The following TMEM161B variants were observed in gnomAD, a reference collection of about 807,000 sequenced individuals.
TMEM161B encodes transmembrane protein 161B.
In TMEM161B, 34 loss-of-function variants were observed where a neutral mutation model predicts 61.8. The ratio of observed to expected loss-of-function variants is 0.55; its 90% CI spans 0.42 to 0.73. The LOEUF (loss-of-function observed/expected upper bound fraction) is 0.73. TMEM161B is among the 30% of genes least tolerant of loss of function. The pLI, the probability that TMEM161B is intolerant of heterozygous loss-of-function variation, is 0.00. For missense variants in TMEM161B, 456 were observed against 558.5 expected (o/e 0.82, Z 1.85); for synonymous variants, 167 against 192.8 (o/e 0.87, Z 1.11).
At chr5:88,203,329 G>A (rs1248699289) in intron 8 of TMEM161B, among the ~76,000 whole-genome samples, 2 of 151,978 alleles carry the variant, frequency 1.3e-5, no homozygotes, top group Admixed American at 6.6e-5. Flanking sequence ...ACTTGCTCTT[G>A]GCAATAAGTT....
At chr5:88,236,879 A>G (rs1751947254) in intron 2 of TMEM161B, among the ~76,000 whole-genome samples, 1 of 152,164 alleles carries the variant, frequency 6.6e-6, no homozygotes, top group South Asian at 2.1e-4. Flanking sequence ...GAAAAGGAAA[A>G]TAATTTAAAT....
intron 5 of TMEM161B, among the ~76,000 whole-genome samples, chr5:88,210,238 T>A (rs919610370): frequency 6.6e-6 from 1 of 152,208 alleles, no homozygotes; most frequent in Non-Finnish European, 1.5e-5. Context: ...CAGCAACAAC[T>A]TAATGTTTTC....
chr5:88,224,525 A>G (rs559199056), intron 4 of TMEM161B, among the ~76,000 whole-genome samples: 69 of 152,342 alleles, frequency 4.5e-4, no homozygotes, highest in African/African-American at 1.6e-3. Flanking sequence ...TAAATGACCT[A>G]TTTGGAAATA....
intron 3 of TMEM161B, among the ~76,000 whole-genome samples, 180 bp from the exon 4 acceptor site, chr5:88,226,046 C>G (rs1750002210): frequency 6.6e-6 from 1 of 152,128 alleles, no homozygotes; most frequent in Non-Finnish European, 1.5e-5. Context: ...ACTATAAAAT[C>G]TGAATGTAAA....
In TMEM161B at chr5:88,254,395, G is replaced by A. The variant is rs530638785; in HGVS notation, c.4-13479C>T. On this transcript the variant is annotated intron_variant, in intron 1 of 11. Coordinates refer to ENST00000296595, the MANE Select transcript of TMEM161B (RefSeq NM_153354.5). Reference sequence around the variant, plus strand: ...TCTCCTAAGAACCACAATGGGGTAAGGAGTTGAGCTGTAAAAGAAAGGAGA... The same window carrying A: ...TCTCCTAAGAACCACAATGGGGTAAAGAGTTGAGCTGTAAAAGAAAGGAGA... Among the ~76,000 whole-genome samples the A allele has an allele frequency of 1.8e-4, 28 of 152,260 alleles. No homozygotes were observed. The South Asian group carries it at 5.8e-3, about 32-fold the overall frequency.
chr5:88,241,747 T>C (rs1288653560), intron 1 of TMEM161B, among the ~76,000 whole-genome samples: 2 of 151,790 alleles, frequency 1.3e-5, no homozygotes, highest in Non-Finnish European at 2.9e-5. Context: ...TTCTCCATGA[T>C]GGCTAATTCA....
chr5:88,262,827 T>C (rs979406441), intron 1 of TMEM161B, among the ~76,000 whole-genome samples: 3 of 152,100 alleles, frequency 2.0e-5, no homozygotes, highest in Non-Finnish European at 2.9e-5. Flanking sequence ...GACATGCATG[T>C]GTGGGAGCAG....
intron 4 of TMEM161B, among the ~76,000 whole-genome samples, chr5:88,225,091 CT>C (rs1333874116): frequency 2.6e-5 from 4 of 151,722 alleles, no homozygotes; most frequent in East Asian, 1.9e-4. Flanking sequence ...CCTCAGCTCC[CT>C]GAGTAGCTGG....
chr5:88,191,980 GTGTATA>G (rs1178763688), downstream of TMEM161B, among the ~76,000 whole-genome samples: 17 of 9,128 alleles, frequency 1.9e-3, no homozygotes, highest in Non-Finnish European at 2.2e-3. Context: ...AAAAAAAAAA[GTGTATA>G]TATATATATA....
chr5:88,211,198 GA>G (rs1206241501), intron 5 of TMEM161B, among the ~76,000 whole-genome samples: 4 of 151,328 alleles, frequency 2.6e-5, no homozygotes. Flanking sequence ...GTAACTTCAA[GA>G]AAAAAAGAGA....
At chr5:88,242,561 T>C (rs1226874066) in intron 1 of TMEM161B, among the ~76,000 whole-genome samples, 1 of 145,786 alleles carries the variant, frequency 6.9e-6, no homozygotes, top group African/African-American at 2.4e-5. Context: ...CTGCATGAGT[T>C]AGAAGCTGGT....
intron 10 of TMEM161B, chr5:88,198,755 T>A: frequency 2.0e-6 from 1 of 494,226 alleles, no homozygotes. Context: ...CCACCCACTG[T>A]ATGACACCAA....
chr5:88,242,552 T>A (rs1580644502), intron 1 of TMEM161B, among the ~76,000 whole-genome samples: 1 of 151,778 alleles, frequency 6.6e-6, no homozygotes, highest in African/African-American at 2.4e-5. Context: ...GAACCCAAAC[T>A]GCATGAGTTA....
chr5:88,222,350 T>C (rs1749158383), intron 4 of TMEM161B, among the ~76,000 whole-genome samples: 1 of 152,118 alleles, frequency 6.6e-6, no homozygotes, highest in African/African-American at 2.4e-5. Flanking sequence ...ATTACAGACA[T>C]GAGCCACTGC....
chr5:88,233,198 A>G (rs934347932), intron 2 of TMEM161B, among the ~76,000 whole-genome samples: 1 of 152,174 alleles, frequency 6.6e-6, no homozygotes, highest in Non-Finnish European at 1.5e-5. Flanking sequence ...GTTATATTCC[A>G]GTTGGGGTAA....
intron 4 of TMEM161B, among the ~76,000 whole-genome samples, chr5:88,221,035 C>T (rs1748875857): frequency 6.6e-6 from 1 of 152,136 alleles, no homozygotes; most frequent in Non-Finnish European, 1.5e-5. Flanking sequence ...CTACTTTTTA[C>T]AGAAATTATT....
At chr5:88,247,371 A>G (rs1753748310) in intron 1 of TMEM161B, among the ~76,000 whole-genome samples, 2 of 152,086 alleles carry the variant, frequency 1.3e-5, no homozygotes, top group South Asian at 2.1e-4. Flanking sequence ...ATGTTTCATT[A>G]AACTAGCTCT....
chr5:88,229,861 T>G lies in TMEM161B; in HGVS notation c.108-1333A>C, dbSNP rs1324072405. Among the ~76,000 whole-genome samples, 4 of 151,748 alleles carry G rather than the reference T, an allele frequency of 2.6e-5. No homozygotes were observed. The East Asian group carries it at 7.8e-4, about 29-fold the overall frequency. On this transcript the variant is annotated intron_variant, in intron 2 of 11. Coordinates refer to ENST00000296595, the MANE Select transcript of TMEM161B (RefSeq NM_153354.5). ...TCAGCTTTCCAAAATGCTGGGATTA[T>G]AAGCATTAGCCATGGTGCACAGTCT...
At chr5:88,238,336 C>T (rs1458542491) in intron 2 of TMEM161B, among the ~76,000 whole-genome samples, 1 of 150,534 alleles carries the variant, frequency 6.6e-6, no homozygotes, top group African/African-American at 2.4e-5. Context: ...AAAAGAGAAG[C>T]CATAACAAAA....
Sources: allele counts gnomAD v4.1 joint callset (sites outside exome capture counted in the v4.1 genomes callset), GRCh38; gene constraint gnomAD v4.1.1; transcripts MANE v1.5; gene names NCBI Gene and HGNC (gene_info 2026-07-23, HGNC 2026-07-21).